OSBP: variants seen among roughly 807,000 people sequenced by gnomAD.
OSBP encodes the protein oxysterol binding protein, also known as oxysterol-binding protein 1.
A neutral mutation model predicts 96.6 loss-of-function variants in OSBP; 32 were observed. The ratio of observed to expected loss-of-function variants is 0.33; its 90% CI spans 0.25 to 0.45. The LOEUF is 0.45. Ranked by LOEUF, OSBP falls within the 20% of genes least tolerant of loss-of-function variation. The probability of loss-of-function intolerance (pLI) is 1.00; values close to 1 mark genes in which losing one functional copy is unlikely to be tolerated. For synonymous variants in OSBP, 369 were observed against 389.6 expected, an observed-to-expected ratio of 0.95 and a Z score of 0.62; for missense variants, 653 against 1,029.7, an observed-to-expected ratio of 0.63 and a Z score of 5.01.
intron 9 of OSBP, 120 bp downstream of exon 9, chr11:59,593,484 G>C: frequency 1.8e-6 from 2 of 1,084,906 alleles, no homozygotes; most frequent in East Asian, 4.8e-5. Flanking sequence ...GCCAGTTAGT[G>C]AGGGTCAGTG....
In OSBP at chr11:59,594,021, G is replaced by A. The variant is rs1860617885; in HGVS notation, c.1546C>T (p.Leu516Phe). The change falls in exon 8 of 14, where the codon CTC becomes TTC. Residue 516 changes from leucine (L) to phenylalanine (F), a missense_variant. Leu to Phe is a conservative substitution (Grantham distance 22). Coordinates refer to ENST00000263847, the MANE Select transcript of OSBP (RefSeq NM_002556.3). The stretch of plus-strand genomic sequence containing the variant: ...TGAGGTTCCTTTACCTGTTCACAGA[G>A]GGATCGGTACCCATTCTCCTCTAAT... Reference protein sequence around the residue: ...DRLEENGYRSLCEQVSHHPPA... With the variant: ...DRLEENGYRSFCEQVSHHPPA... 1 of 1,613,942 alleles carries A rather than the reference G, an allele frequency of 6.2e-7. No homozygotes were observed. Among genetic ancestry groups the A allele is most frequent in the South Asian group, 1.1e-5 (1 of 91,044 alleles).
chr11:59,589,954 G>A (rs1860557164), intron 9 of OSBP, among the ~76,000 whole-genome samples: 1 of 151,938 alleles, frequency 6.6e-6, no homozygotes, highest in Non-Finnish European at 1.5e-5. Flanking sequence ...CTGCACTCTA[G>A]CCTGGGTGAC....
At chr11:59,607,517 T>A (rs1860795379) in intron 3 of OSBP, among the ~76,000 whole-genome samples, 1 of 151,984 alleles carries the variant, frequency 6.6e-6, no homozygotes, top group African/African-American at 2.4e-5. Flanking sequence ...AACGATACTT[T>A]CCCATGGTCA....
At chr11:59,596,309 C>T (rs896054118) in intron 7 of OSBP, among the ~76,000 whole-genome samples, 3 of 152,142 alleles carry the variant, frequency 2.0e-5, no homozygotes, top group Non-Finnish European at 2.9e-5. Context: ...TACGAAGTAA[C>T]ATTTCCATAC....
At chr11:59,585,911 G>A (rs1032588745) in intron 9 of OSBP, among the ~76,000 whole-genome samples, 3 of 152,160 alleles carry the variant, frequency 2.0e-5, no homozygotes, top group Non-Finnish European at 2.9e-5. Flanking sequence ...TCCACTCAGG[G>A]TTAAATGGAT....
intron 7 of OSBP, among the ~76,000 whole-genome samples, chr11:59,599,672 A>T (rs1412795846): frequency 6.6e-6 from 1 of 152,206 alleles, no homozygotes; most frequent in Non-Finnish European, 1.5e-5. Context: ...GACACACTAT[A>T]GCTGCATCCT....
chr11:59,594,384 T>G (rs1363458456), intron 7 of OSBP, 129 bp from the exon 8 acceptor site: 4 of 820,806 alleles, frequency 4.9e-6, no homozygotes. Context: ...GCTCTAATAT[T>G]TAACCCGCAA....
At chr11:59,598,805 G>A (rs1270400023) in intron 7 of OSBP, among the ~76,000 whole-genome samples, 1 of 152,306 alleles carries the variant, frequency 6.6e-6, no homozygotes, top group East Asian at 1.9e-4. Flanking sequence ...GCCCAGGCTG[G>A]TCTTGAACTC....
In OSBP at chr11:59,600,879, C is replaced by G; in HGVS notation, c.1125-6G>C. ...TGATATTGCTGCCAGTACGTCTGTA[C>G]AGATGGGAAACACAGGAGAATTAGA... is the stretch of plus-strand genomic sequence containing the variant. On this transcript the variant is annotated splice_polypyrimidine_tract_variant and splice_region_variant and intron_variant, in intron 5 of 13. Transcript: ENST00000263847. The G allele has an allele frequency of 6.2e-7, 1 of 1,612,444 alleles. No homozygotes were observed. Among genetic ancestry groups the G allele is most frequent in the Non-Finnish European group, 8.5e-7 (1 of 1,178,628 alleles).
intron 1 of OSBP, among the ~76,000 whole-genome samples, chr11:59,614,024 A>G (rs1212978960): frequency 6.6e-6 from 1 of 152,240 alleles, no homozygotes; most frequent in Non-Finnish European, 1.5e-5. Context: ...GGTCTCAAAG[A>G]GGATGGTCTC....
intron 5 of OSBP, 87 bp downstream of exon 5, chr11:59,601,196 T>C (rs1860720353): frequency 1.3e-6 from 1 of 790,886 alleles, no homozygotes; most frequent in Non-Finnish European, 2.1e-6. Context: ...GTTTTTAACC[T>C]TTTGATGGTT....
chr11:59,575,200 T>C lies in OSBP; in HGVS notation c.*1377A>G, dbSNP rs2134647587. The C allele has an allele frequency of 6.6e-6, 1 of 151,952 alleles. No homozygotes were observed. Among genetic ancestry groups the C allele is most frequent in the African/African-American group, 2.4e-5 (1 of 41,530 alleles). 9.4% of individuals were successfully genotyped at this position (151,952 alleles called of 1,614,324 possible). On this transcript the variant is annotated 3_prime_UTR_variant, in exon 14 of 14. Transcript: ENST00000263847. ...ATTGGAAGTTGCCCTCCGGACTTTC[T>C]ACCCACACTCTTCCTGAAAAGAGAA...
intron 11 of OSBP, among the ~76,000 whole-genome samples, chr11:59,579,335 CTTT>C (rs760297069): frequency 4.9e-5 from 7 of 141,656 alleles, no homozygotes; most frequent in African/African-American, 1.0e-4. Context: ...TTCTTTCTTT[CTTT>C]TTTTTTTTTT....
chr11:59,576,948 G>A lies in OSBP; in HGVS notation c.2138C>T (p.Thr713Ile), dbSNP rs1402844425. Residue 713 changes from threonine (T) to isoleucine (I), a missense_variant, in exon 13 of 14, where the codon ACA becomes ATA. Transcript: ENST00000263847. ...CTGGTCAGGTCGTAACCGGCTGTCTGTGGGGGCAGTGCCACTTTCCCAAGC... is the reference window on the plus strand; with the variant it reads ...CTGGTCAGGTCGTAACCGGCTGTCTATGGGGGCAGTGCCACTTTCCCAAGC... ...LNAWESGTAPTDSRLRPDQRL... is the reference protein window; with the variant it reads ...LNAWESGTAPIDSRLRPDQRL... 2.5e-6 allele frequency: 4 copies of A among 1,614,236 alleles called. No homozygotes were observed. Among genetic ancestry groups the A allele is most frequent in the Non-Finnish European group, 3.4e-6 (4 of 1,180,044 alleles).
At chr11:59,615,023 C>T (rs986812240) in intron 1 of OSBP, among the ~76,000 whole-genome samples, 2 of 152,154 alleles carry the variant, frequency 1.3e-5, no homozygotes, top group Non-Finnish European at 2.9e-5. Context: ...ACAATGGAAG[C>T]ACAGACGCTC....
chr11:59,600,707 A>G (rs1464872474), intron 6 of OSBP, 80 bp from the exon 7 acceptor site: 11 of 1,566,628 alleles, frequency 7.0e-6, no homozygotes, highest in Non-Finnish European at 8.6e-6. Context: ...CCCCCGTGCT[A>G]AAAAAAGAAA....
chr11:59,576,573 C>A lies in OSBP; in HGVS notation c.*4G>T. The A allele has an allele frequency of 6.2e-7, 1 of 1,609,300 alleles. No individual in the cohort carries two copies. Among genetic ancestry groups the A allele is most frequent in the Non-Finnish European group, 8.5e-7 (1 of 1,178,772 alleles). The stretch of plus-strand genomic sequence containing the variant: ...ATATGCTCCTCTTTTTTGTTACTGC[C>A]GTTTCAGAAAATGTCCGGGCATGAG... On this transcript the variant is annotated 3_prime_UTR_variant, in exon 14 of 14. Coordinates refer to ENST00000263847, the MANE Select transcript of OSBP (RefSeq NM_002556.3).
chr11:59,613,534 A>G (rs1860880824), intron 1 of OSBP, among the ~76,000 whole-genome samples: 1 of 152,210 alleles, frequency 6.6e-6, no homozygotes, highest in Non-Finnish European at 1.5e-5. Flanking sequence ...ATGCAAAAAC[A>G]GTATTAATAT....
chr11:59,578,228 C>T lies in OSBP; in HGVS notation c.1981G>A (p.Glu661Lys). 1 of 1,614,180 alleles carries T rather than the reference C, an allele frequency of 6.2e-7. No homozygotes were observed. Among genetic ancestry groups the T allele is most frequent in the Non-Finnish European group, 8.5e-7 (1 of 1,180,014 alleles). Residue 661 changes from glutamate to lysine, a missense_variant, in exon 12 of 14, where the codon GAA (glutamate) becomes AAA (lysine). Physicochemically the swap from Glu to Lys is moderately conservative, Grantham distance 56 (BLOSUM62 1). This residue lies in a region of OSBP where 169 missense variants were observed against 251.5 expected (regional missense o/e 0.67). Transcript: ENST00000263847. Reference protein sequence around the residue: ...ECFKVQPVIGENGGDARQRGH... With the variant: ...ECFKVQPVIGKNGGDARQRGH... ...CTCTGTCGAGCATCACCCCCATTTT[C>T]CCCAATGACTGGCTGTACTTTGAAA...
Sources: gnomAD v4.1 joint callset for allele counts (sites outside exome capture counted in the v4.1 genomes callset) on GRCh38, gnomAD v4.1.1 for gene constraint, gnomAD v4.1.1 regional missense constraint, MANE v1.5 for transcripts, NCBI Gene and HGNC (gene_info 2026-07-23, HGNC 2026-07-21) for gene names.